ZC3H8: variants seen among roughly 807,000 people sequenced by gnomAD.
ZC3H8 encodes zinc finger CCCH domain-containing protein 8.
ZC3H8 carries 27 observed loss-of-function variants against 42.5 expected under a neutral mutation model. That is an observed-to-expected ratio of 0.64 (90% CI 0.47 to 0.88). The LOEUF is 0.88. Among genes scored for constraint, ZC3H8 ranks in the 40% least tolerant of loss-of-function variants. The pLI, the probability that ZC3H8 is intolerant of heterozygous loss-of-function variation, is 0.00. For synonymous variants in ZC3H8, 101 were observed against 110.1 expected (o/e 0.92, Z 0.52); for missense variants, 277 against 336.1 (o/e 0.82, Z 1.37).
chr2:112,220,727 A>T (rs1003686624), intron 8 of ZC3H8, among the ~76,000 whole-genome samples: 8 of 152,226 alleles, frequency 5.3e-5, no homozygotes, highest in African/African-American at 1.9e-4. Flanking sequence ...ATGCTGAGGC[A>T]GGAGAATCAC....
chr2:112,218,673 G>A (rs893174739), intron 8 of ZC3H8, among the ~76,000 whole-genome samples: 59 of 152,176 alleles, frequency 3.9e-4, no homozygotes, highest in African/African-American at 1.4e-3. Flanking sequence ...CTACAATTTG[G>A]AAACATAGAG....
intron 2 of ZC3H8, 138 bp from the exon 3 acceptor site, chr2:112,238,666 C>CCTG: frequency 1.8e-6 from 1 of 562,516 alleles, no homozygotes; most frequent in Non-Finnish European, 2.9e-6. Flanking sequence ...ATATACTATT[C>CCTG]TCTCCACTCA....
intron 8 of ZC3H8, among the ~76,000 whole-genome samples, chr2:112,223,177 C>A (rs2104644748): frequency 6.6e-6 from 1 of 151,760 alleles, no homozygotes; most frequent in South Asian, 2.1e-4. Context: ...TTAACAGGTG[C>A]AGCACACCAA....
intron 8 of ZC3H8, among the ~76,000 whole-genome samples, chr2:112,222,869 A>G (rs1684649798): frequency 1.3e-5 from 2 of 152,242 alleles, no homozygotes; most frequent in Non-Finnish European, 2.9e-5. Context: ...ATGGTTTCAA[A>G]ACTATATGAA....
chr2:112,242,590 T>G (rs1685622667), intron 2 of ZC3H8, among the ~76,000 whole-genome samples: 1 of 152,198 alleles, frequency 6.6e-6, no homozygotes, highest in African/African-American at 2.4e-5. Context: ...TGTCAAGTAT[T>G]TAAAGGCGCA....
chr2:112,232,048 G>T (rs1048944618), intron 6 of ZC3H8, 101 bp from the exon 7 acceptor site: 1 of 622,648 alleles, frequency 1.6e-6, no homozygotes, highest in African/African-American at 1.9e-5. Flanking sequence ...CTGTGGCCGG[G>T]CGAGGTGGCT....
At chr2:112,217,546 T>C (rs1684379833) in intron 8 of ZC3H8, among the ~76,000 whole-genome samples, 1 of 152,242 alleles carries the variant, frequency 6.6e-6, no homozygotes, top group African/African-American at 2.4e-5. Context: ...TCTGTCATAT[T>C]GTGCATTGTT....
At chr2:112,240,443 T>C (rs1191160635) in intron 2 of ZC3H8, 4 of 152,218 alleles carry the variant, frequency 2.6e-5, no homozygotes, top group African/African-American at 9.6e-5. Context: ...GCAGCTCCTA[T>C]GAAGTTTAGC....
At chr2:112,251,275 C>T (rs564111556) in intron 1 of ZC3H8, among the ~76,000 whole-genome samples, 151 of 152,272 alleles carry the variant, frequency 9.9e-4, no homozygotes, top group Non-Finnish European at 1.2e-3. Flanking sequence ...ACAGTGGCTC[C>T]GTGGCTGTTC....
intron 5 of ZC3H8, among the ~76,000 whole-genome samples, chr2:112,233,873 A>T (rs1218197331): frequency 2.0e-5 from 3 of 152,152 alleles, no homozygotes; most frequent in Admixed American, 6.5e-5. Context: ...CATCTCAAAA[A>T]AAATAAATAA....
Position 112,238,347 on chromosome 2 carries a change from G to A in ZC3H8, c.338C>T (p.Thr113Ile). 6.2e-7 allele frequency: 1 copy of A among 1,613,602 alleles called. No individual in the cohort carries two copies. Among genetic ancestry groups the A allele is most frequent in the Admixed American group, 1.7e-5 (1 of 60,004 alleles). Residue 113 changes from threonine to isoleucine, a missense_variant, in exon 3 of 9, where the codon ACA becomes ATA. Transcript: ENST00000409573. ...GGTATCTTTTACTCCTTCTTTCTTT[G>A]TAGATTCTTCAGGTTGAGCAGCATT... ...MANAAQPEES[T>I]KKEGVKDTPQ...
chr2:112,242,342 A>G (rs1480228410), intron 2 of ZC3H8, among the ~76,000 whole-genome samples: 3 of 152,234 alleles, frequency 2.0e-5, no homozygotes, highest in Non-Finnish European at 4.4e-5. Context: ...GAGTCCATAA[A>G]TACAATTTTA....
chr2:112,234,060 G>GT (rs1252052022), intron 5 of ZC3H8, 60 bp downstream of exon 5: 1 of 971,366 alleles, frequency 1.0e-6, no homozygotes, highest in Non-Finnish European at 1.5e-6. Flanking sequence ...AATTAAAAGA[G>GT]TATCAAACAG....
chr2:112,251,027 T>A (rs1685927694), intron 1 of ZC3H8, among the ~76,000 whole-genome samples: 1 of 152,078 alleles, frequency 6.6e-6, no homozygotes, highest in Non-Finnish European at 1.5e-5. Flanking sequence ...AAGAACATGG[T>A]GAACAAAGAA....
intron 8 of ZC3H8, among the ~76,000 whole-genome samples, chr2:112,222,001 T>TCAATCTTTGAAGTTG (rs1558917818): frequency 6.6e-6 from 1 of 152,184 alleles, no homozygotes; most frequent in Non-Finnish European, 1.5e-5. Context: ...CTGATGTTCT[T>TCAATCTTTGAAGTTG]CAATCTTTGA....
At position 112,238,416 on chromosome 2, in the gene ZC3H8, A is replaced by C; in HGVS notation, c.269T>G (p.Phe90Cys). 6.2e-7 allele frequency: 1 copy of C among 1,613,732 alleles called. No individual in the cohort carries two copies. The highest frequency in any genetic ancestry group is 8.5e-7 in the Non-Finnish European group (1 of 1,179,880). Residue 90 changes from phenylalanine to cysteine, a missense_variant, in exon 3 of 9, where the codon TTT (phenylalanine) becomes TGT (cysteine). By Grantham distance (205) the Phe-to-Cys change is radical. Coordinates refer to ENST00000409573, the MANE Select transcript of ZC3H8 (RefSeq NM_032494.3). ...DICSQESEDNFAKELQQYIQA... is the reference protein window; with the variant it reads ...DICSQESEDNCAKELQQYIQA... ...TATGTACTGTTGAAGCTCTTTGGCAAAATTATCTTCTGATTCCTGACTGCA... is the reference window on the plus strand; with the variant it reads ...TATGTACTGTTGAAGCTCTTTGGCACAATTATCTTCTGATTCCTGACTGCA...
intron 5 of ZC3H8, 70 bp from the exon 6 acceptor site, chr2:112,233,441 C>G: frequency 9.6e-7 from 1 of 1,042,282 alleles, no homozygotes; most frequent in Non-Finnish European, 1.4e-6. Context: ...TTAATTCCTA[C>G]TAAACTTTAA....
intron 8 of ZC3H8, among the ~76,000 whole-genome samples, chr2:112,216,878 A>T (rs1404518077): frequency 6.6e-6 from 1 of 152,104 alleles, no homozygotes; most frequent in Non-Finnish European, 1.5e-5. Context: ...TTAATAGAAA[A>T]CAAAGAAAAC....
Position 112,212,939 on chromosome 2 carries a change from T to C in ZC3H8, c.*3545A>G, listed in dbSNP as rs1450220079. On this transcript the variant is annotated 3_prime_UTR_variant, in exon 9 of 9. Coordinates refer to ENST00000409573, the MANE Select transcript of ZC3H8 (RefSeq NM_032494.3). ...TACCAAATCACCTAGTATTTTGAGT[T>C]CAGCAAGCACAACTCAGAAGAAATG... 1 of 150,104 alleles carries C rather than the reference T, an allele frequency of 6.7e-6. No homozygotes were observed. The highest frequency in any genetic ancestry group is 2.4e-5 in the African/African-American group (1 of 40,838). The allele number at this position is 150,104 out of a possible 1,614,324, so 9.3% of individuals were successfully genotyped here. A position where few individuals can be genotyped will look rare whatever the true frequency, so the allele number is the denominator to read the frequency against.
Sources: gnomAD v4.1 joint callset for allele counts (sites outside exome capture counted in the v4.1 genomes callset) on GRCh38, gnomAD v4.1.1 for gene constraint, MANE v1.5 for transcripts, NCBI Gene and HGNC (gene_info 2026-07-23, HGNC 2026-07-21) for gene names.